FRYL: variants seen among roughly 807,000 people sequenced by gnomAD.
FRYL encodes the protein protein furry homolog-like.
Under a neutral mutation model 351.2 loss-of-function variants are expected in FRYL, and 150 were observed. The observed-to-expected ratio is 0.43, with a 90% CI of 0.37 to 0.49. FRYL has a LOEUF of 0.49. FRYL is among the 20% of genes least tolerant of loss of function. The pLI is 0.00. For synonymous variants in FRYL, 1,153 were observed against 1,257.1 expected (o/e 0.92, Z 1.75); for missense variants, 3,036 against 3,619.3 (o/e 0.84, Z 4.13).
At chr4:48,724,138 T>C (rs963687103) in intron 1 of FRYL, among the ~76,000 whole-genome samples, 6 of 151,502 alleles carry the variant, frequency 4.0e-5, no homozygotes, top group Admixed American at 4.0e-4. Flanking sequence ...AAAAAATAAA[T>C]TGAAATTAAA....
chr4:48,609,049 A>C lies in FRYL; in HGVS notation c.510T>G (p.Thr170=), dbSNP rs1578330047. ...AATCAGCAATAATATGCACATTCCC[A>C]GTGTTGGTTCCTGAATATCTAAAAT... ...KHKEGYSGTN[T]GNVHIIADLY... Residue 170 remains threonine (T), a synonymous_variant, in exon 9 of 64, where the codon ACT becomes ACG. Coordinates refer to ENST00000358350, the MANE Select transcript of FRYL (RefSeq NM_015030.2). The C allele has an allele frequency of 6.2e-7, 1 of 1,603,442 alleles. No homozygotes were observed. Among genetic ancestry groups the C allele is most frequent in the East Asian group, 2.2e-5 (1 of 44,710 alleles).
chr4:48,565,834 A>G lies in FRYL; in HGVS notation c.3170-143T>C, dbSNP rs1736656857. On this transcript the variant is annotated intron_variant, in intron 28 of 63. Coordinates refer to ENST00000358350, the MANE Select transcript of FRYL (RefSeq NM_015030.2). ...AACTATCAAAAACCTCCGCGGTAGC[A>G]GGGATCATTTATATATATGCAAATC... 4.1e-6 allele frequency: 3 copies of G among 735,780 alleles called. No individual in the cohort carries two copies. In the Admixed American group the frequency reaches 8.8e-5, roughly 22 times the overall value. 45.6% of individuals were successfully genotyped at this position (735,780 alleles called of 1,614,324 possible).
chr4:48,507,464 G>GA (rs1174967306), intron 59 of FRYL, among the ~76,000 whole-genome samples: 22 of 270 alleles, frequency 0.081, no homozygotes, highest in Non-Finnish European at 0.015. Flanking sequence ...CTGTATAAAA[G>GA]AAAGAAAGAC....
intron 45 of FRYL, 147 bp from the exon 46 acceptor site, chr4:48,541,107 T>C: frequency 1.3e-6 from 1 of 749,720 alleles, no homozygotes; most frequent in Non-Finnish European, 2.0e-6. Context: ...AAATTTCAGT[T>C]TTCCCTTCAA....
At chr4:48,755,712 A>G (rs564062942) in intron 1 of FRYL, among the ~76,000 whole-genome samples, 3 of 152,260 alleles carry the variant, frequency 2.0e-5, no homozygotes, top group Non-Finnish European at 4.4e-5. Flanking sequence ...TTGGTACATA[A>G]AGCACAATGA....
intron 3 of FRYL, chr4:48,681,065 T>G (rs1452900251): frequency 7.8e-7 from 1 of 1,282,472 alleles, no homozygotes. Context: ...TCCTCAGTAC[T>G]AGTATCCAAA....
intron 27 of FRYL, among the ~76,000 whole-genome samples, chr4:48,570,447 A>G (rs1348197648): frequency 6.6e-6 from 1 of 152,232 alleles, no homozygotes; most frequent in African/African-American, 2.4e-5. Context: ...CTGTGAATAT[A>G]TTATTTTTTC....
intron 55 of FRYL, among the ~76,000 whole-genome samples, chr4:48,518,209 G>GT (rs1724065693): frequency 6.6e-6 from 1 of 152,158 alleles, no homozygotes; most frequent in South Asian, 2.1e-4. Flanking sequence ...AGGCACTGTA[G>GT]TTTGGCTTAA....
rs963085223 is a variant in FRYL at position 48,557,227 on chromosome 4, C to T, written c.4126-109G>A. 9.9e-6 allele frequency: 13 copies of T among 1,309,832 alleles called. 1 individual carries two copies. Among genetic ancestry groups the T allele is most frequent in the East Asian group, 4.8e-5 (2 of 41,538 alleles). The allele number at this position is 1,309,832 out of a possible 1,614,324, so 81.1% of individuals were successfully genotyped here. A position where few individuals can be genotyped will look rare whatever the true frequency, so the allele number is the denominator to read the frequency against. ...AATGTTTTGTACAGATAGCTTTAAT[C>T]GTTTCCACACTTTACAGAAACAATA... is the stretch of plus-strand genomic sequence containing the variant. On this transcript the variant is annotated intron_variant, in intron 34 of 63. Transcript: ENST00000358350.
At chr4:48,578,117 C>A (rs372869608) in intron 23 of FRYL, among the ~76,000 whole-genome samples, 4 of 151,550 alleles carry the variant, frequency 2.6e-5, no homozygotes, top group Non-Finnish European at 1.5e-5. Context: ...AGGTATCCTA[C>A]GCTCATGTGA....
intron 2 of FRYL, among the ~76,000 whole-genome samples, chr4:48,706,798 G>C (rs1767408335): frequency 6.6e-6 from 1 of 152,122 alleles, no homozygotes; most frequent in South Asian, 2.1e-4. Context: ...CATGTTGTTA[G>C]CTGCCCTATG....
In FRYL at chr4:48,565,329, T is replaced by C. The variant is rs565170344; in HGVS notation, c.3330+202A>G. Among the ~76,000 whole-genome samples, 30 of 152,292 alleles carry C rather than the reference T, an allele frequency of 2.0e-4. No homozygotes were observed. In the South Asian group the frequency reaches 3.9e-3, roughly 20 times the overall value. ...AGTAATCCTAAGTTCTTTAAGATAA[T>C]GGTGATCAAATTTGAGTAGATTCTG... On this transcript the variant is annotated intron_variant, in intron 29 of 63. Coordinates refer to ENST00000358350, the MANE Select transcript of FRYL (RefSeq NM_015030.2).
intron 3 of FRYL, among the ~76,000 whole-genome samples, chr4:48,655,656 TTATA>T (rs1758697874): frequency 6.8e-6 from 1 of 147,346 alleles, no homozygotes; most frequent in South Asian, 2.1e-4. Context: ...TATATATACA[TTATA>T]TATAATGTAT....
chr4:48,515,420 T>A (rs535068527), intron 55 of FRYL, 145 bp from the exon 56 acceptor site: 2 of 630,276 alleles, frequency 3.2e-6, no homozygotes, highest in East Asian at 5.6e-5. Flanking sequence ...TGGAGTGGAG[T>A]GCAATGGCGT....
At chr4:48,582,910 C>T (rs917115223) in intron 19 of FRYL, among the ~76,000 whole-genome samples, 176 bp from the exon 20 acceptor site, 18 of 152,168 alleles carry the variant, frequency 1.2e-4, no homozygotes, top group Non-Finnish European at 2.5e-4. Flanking sequence ...CTAGTTTATA[C>T]TCTCATTTGC....
chr4:48,660,708 T>G (rs980122240), intron 3 of FRYL, among the ~76,000 whole-genome samples: 1 of 152,174 alleles, frequency 6.6e-6, no homozygotes, highest in African/African-American at 2.4e-5. Flanking sequence ...GTTAACATTA[T>G]CAGTGATAAG....
At chr4:48,529,773 T>C (rs988565864) in intron 50 of FRYL, among the ~76,000 whole-genome samples, 2 of 152,086 alleles carry the variant, frequency 1.3e-5, no homozygotes, top group African/African-American at 4.8e-5. Context: ...ACCACTTCAA[T>C]GGCACCAAGG....
intron 1 of FRYL, among the ~76,000 whole-genome samples, chr4:48,713,499 C>CA (rs1560302832): frequency 6.6e-6 from 1 of 151,934 alleles, no homozygotes; most frequent in Non-Finnish European, 1.5e-5. Flanking sequence ...GACTTTAAAC[C>CA]AAAAAAGATC....
intron 2 of FRYL, among the ~76,000 whole-genome samples, chr4:48,685,847 G>A (rs570010673): frequency 4.6e-5 from 7 of 151,878 alleles, no homozygotes; most frequent in Admixed American, 2.0e-4. Context: ...TCCACCTCCC[G>A]GGTTCAAGCG....
Sources: allele counts gnomAD v4.1 joint callset (sites outside exome capture counted in the v4.1 genomes callset), GRCh38; gene constraint gnomAD v4.1.1; transcripts MANE v1.5; gene names NCBI Gene and HGNC (gene_info 2026-07-23, HGNC 2026-07-21).